USP46: variants seen among roughly 807,000 people sequenced by gnomAD.
The protein encoded by USP46 is ubiquitin carboxyl-terminal hydrolase 46.
Under a neutral mutation model 44.4 loss-of-function variants are expected in USP46, and 12 were observed. That is an observed-to-expected ratio of 0.27 (90% CI 0.17 to 0.44). USP46 has a LOEUF of 0.44. USP46 is among the 20% of genes least tolerant of loss of function. The pLI, the probability that USP46 is intolerant of heterozygous loss-of-function variation, is 1.00. For missense variants in USP46, 248 were observed against 444.8 expected, an observed-to-expected ratio of 0.56 and a Z score of 3.98; for synonymous variants, 155 against 161.5, an observed-to-expected ratio of 0.96 and a Z score of 0.31.
At position 52,594,496 on chromosome 4, in the gene USP46, T is replaced by G. The variant is rs906171456; in HGVS notation, c.*3144A>C. 6.6e-6 allele frequency: 1 copy of G among 152,192 alleles called. No individual in the cohort carries two copies. The highest frequency in any genetic ancestry group is 2.4e-5 in the African/African-American group (1 of 41,434). 9.4% of individuals were successfully genotyped at this position (152,192 alleles called of 1,614,324 possible). On this transcript the variant is annotated 3_prime_UTR_variant, in exon 9 of 9. Transcript: ENST00000441222. Reference sequence around the variant, plus strand: ...CCCTGACCCATGCCACTTACATGAGTTCATTACAATAGTGCTGATAAATGC... The same window carrying G: ...CCCTGACCCATGCCACTTACATGAGGTCATTACAATAGTGCTGATAAATGC...
intron 1 of USP46, among the ~76,000 whole-genome samples, chr4:52,652,606 CA>C (rs1321339894): frequency 2.0e-5 from 3 of 151,994 alleles, no homozygotes; most frequent in Non-Finnish European, 4.4e-5. Flanking sequence ...AGCAAAATCA[CA>C]ATTTAAACAA....
At chr4:52,639,688 T>C (rs1718255794) in intron 1 of USP46, among the ~76,000 whole-genome samples, 1 of 152,004 alleles carries the variant, frequency 6.6e-6, no homozygotes, top group Non-Finnish European at 1.5e-5. Flanking sequence ...AAAATGTCTC[T>C]AGAAATGAAA....
At chr4:52,601,472 G>C (rs1166414738) in intron 7 of USP46, among the ~76,000 whole-genome samples, 1 of 152,044 alleles carries the variant, frequency 6.6e-6, no homozygotes, top group Non-Finnish European at 1.5e-5. Flanking sequence ...TTGATCCATT[G>C]CTTCTAGTCT....
chr4:52,637,466 A>T (rs1224168599), intron 1 of USP46, among the ~76,000 whole-genome samples: 2 of 152,144 alleles, frequency 1.3e-5, no homozygotes, highest in African/African-American at 4.8e-5. Context: ...TAGATTTTTC[A>T]TTTATCTGGT....
chr4:52,631,413 GGCAAATGAACAAACAATC>G (rs1178994600), intron 1 of USP46, among the ~76,000 whole-genome samples: 1 of 152,136 alleles, frequency 6.6e-6, no homozygotes, highest in African/African-American at 2.4e-5. Context: ...GTTTGAGACA[GGCAAATGAACAAACAATC>G]GCCAAGAACT....
In USP46 at chr4:52,626,263, T is replaced by G; in HGVS notation, c.332-16A>C. On this transcript the variant is annotated splice_polypyrimidine_tract_variant and intron_variant, in intron 3 of 8. Transcript: ENST00000441222. Reference sequence around the variant, plus strand: ...TCAAAGAGATCTGGAAAGGAGAAGGTGGTTATTTCAGTCTCTGGTTCTTGA... The same window carrying G: ...TCAAAGAGATCTGGAAAGGAGAAGGGGGTTATTTCAGTCTCTGGTTCTTGA... The G allele has an allele frequency of 6.3e-7, 1 of 1,595,512 alleles. No homozygotes were observed. The highest frequency in any genetic ancestry group is 8.5e-7 in the Non-Finnish European group (1 of 1,170,610).
In USP46 at chr4:52,635,970, C is replaced by T. The variant is rs73135519; in HGVS notation, c.37-4826G>A. ...TGTGCTTTCTGTTTATTTTTCACAT[C>T]GATGTATATAGGCAGAATAGTAGTC... On this transcript the variant is annotated intron_variant, in intron 1 of 8. Coordinates refer to ENST00000441222, the MANE Select transcript of USP46 (RefSeq NM_022832.4). Among the ~76,000 whole-genome samples, 28 of 152,018 alleles carry T rather than the reference C, an allele frequency of 1.8e-4. 1 individual carries two copies. The East Asian group carries it at 4.6e-3, about 25-fold the overall frequency.
intron 4 of USP46, among the ~76,000 whole-genome samples, chr4:52,624,749 G>T (rs1717509421): frequency 6.6e-6 from 1 of 152,192 alleles, no homozygotes; most frequent in South Asian, 2.1e-4. Context: ...AACAGGTCAT[G>T]AGGGTGGAGC....
chr4:52,605,888 G>C (rs1470942399), intron 5 of USP46, among the ~76,000 whole-genome samples: 2 of 152,206 alleles, frequency 1.3e-5, no homozygotes, highest in Non-Finnish European at 2.9e-5. Context: ...TCAGCACTGA[G>C]AGCTTCCTCC....
At chr4:52,631,660 G>T (rs1717831961) in intron 1 of USP46, among the ~76,000 whole-genome samples, 1 of 152,160 alleles carries the variant, frequency 6.6e-6, no homozygotes, top group Non-Finnish European at 1.5e-5. Context: ...TCACATTTTA[G>T]CAGATGAAGA....
At chr4:52,651,209 G>A (rs1296073884) in intron 1 of USP46, 1 of 151,854 alleles carries the variant, frequency 6.6e-6, no homozygotes, top group African/African-American at 2.4e-5. Context: ...AATTTCTTAA[G>A]CAATATTTTT....
In USP46 at chr4:52,659,048, G is replaced by A. The variant is rs1211026398; in HGVS notation, c.36+67C>T. On this transcript the variant is annotated intron_variant, in intron 1 of 8. Transcript: ENST00000441222. The surrounding 1 kb of genome is among the most constrained non-coding windows in gnomAD (Gnocchi z 4.2). ...GCCCCAGCCACCGGGCGTGTGTGCA[G>A]CTCGGGCTTCCCTTTCTTTGCCTCG... 2 of 1,508,178 alleles carry A rather than the reference G, an allele frequency of 1.3e-6. No homozygotes were observed. Among genetic ancestry groups the A allele is most frequent in the South Asian group, 1.2e-5 (1 of 80,568 alleles). 93.4% of individuals were successfully genotyped at this position (1,508,178 alleles called of 1,614,324 possible).
chr4:52,642,008 A>G (rs186127327), intron 1 of USP46, among the ~76,000 whole-genome samples: 1 of 152,364 alleles, frequency 6.6e-6, no homozygotes, highest in Admixed American at 6.5e-5. Context: ...CTTTCAAAGT[A>G]CAAAGCACAT....
intron 4 of USP46, among the ~76,000 whole-genome samples, chr4:52,612,426 C>G (rs1472491771): frequency 6.6e-6 from 1 of 152,220 alleles, no homozygotes; most frequent in African/African-American, 2.4e-5. Flanking sequence ...CACAGATACT[C>G]TCATCAAGAG....
intron 4 of USP46, among the ~76,000 whole-genome samples, chr4:52,612,126 G>A (rs1360652459): frequency 2.6e-5 from 4 of 152,172 alleles, no homozygotes; most frequent in Non-Finnish European, 5.9e-5. Context: ...AATAAATTAG[G>A]AAGGGATAAA....
intron 4 of USP46, among the ~76,000 whole-genome samples, chr4:52,619,437 C>G (rs1333136484): frequency 6.6e-6 from 1 of 152,218 alleles, no homozygotes. Context: ...ATTTGCTGCT[C>G]AGGATCTAGT....
intron 4 of USP46, among the ~76,000 whole-genome samples, chr4:52,618,220 C>T (rs1171160761): frequency 6.6e-6 from 1 of 151,298 alleles, no homozygotes; most frequent in African/African-American, 2.4e-5. Context: ...CCAGACTCTA[C>T]AAAAACACCT....
chr4:52,652,039 C>T (rs969095051), intron 1 of USP46, among the ~76,000 whole-genome samples: 2 of 152,166 alleles, frequency 1.3e-5, no homozygotes, highest in Non-Finnish European at 2.9e-5. Flanking sequence ...TCCCTGTTTT[C>T]AGACAAAACC....
At chr4:52,610,927 A>G (rs1577665909) in intron 4 of USP46, among the ~76,000 whole-genome samples, 1 of 152,250 alleles carries the variant, frequency 6.6e-6, no homozygotes, top group Admixed American at 6.5e-5. Flanking sequence ...ATTATTAAAT[A>G]TCCATATAGC....
Sources: gnomAD v4.1 joint callset for allele counts (sites outside exome capture counted in the v4.1 genomes callset) on GRCh38, gnomAD v4.1.1 for gene constraint, Gnocchi (gnomAD v3.1) non-coding constraint, MANE v1.5 for transcripts, NCBI Gene and HGNC (gene_info 2026-07-23, HGNC 2026-07-21) for gene names.